The following NRG1 variants were observed in gnomAD, a reference collection of about 807,000 sequenced individuals.
NRG1 encodes pro-neuregulin-1, membrane-bound isoform.
Under a neutral mutation model 63.8 loss-of-function variants are expected in NRG1, and 18 were observed. The observed-to-expected ratio is 0.28, with a 90% CI of 0.19 to 0.42. The LOEUF (loss-of-function observed/expected upper bound fraction) is 0.42, where lower values mean the gene tolerates loss of function less well. NRG1 is among the 10% of genes least tolerant of loss of function. The pLI, the probability that NRG1 is intolerant of heterozygous loss-of-function variation, is 1.00. For synonymous variants in NRG1, 302 were observed against 301.3 expected, an observed-to-expected ratio of 1.00 and a Z score of -0.02; for missense variants, 762 against 814.7, an observed-to-expected ratio of 0.94 and a Z score of 0.79.
intron 1 of NRG1, among the ~76,000 whole-genome samples, chr8:32,403,299 C>CAAAAAAAAAAAAAAA (rs68127664): frequency 1.1e-5 from 1 of 89,804 alleles, no homozygotes; most frequent in Non-Finnish European, 2.2e-5. Flanking sequence ...CACTCTGTCT[C>CAAAAAAAAAAAAAAA]AAAAAAAAAA....
chr8:32,185,825 C>T (rs1447800626), intron 1 of NRG1, among the ~76,000 whole-genome samples: 2 of 152,152 alleles, frequency 1.3e-5, no homozygotes, highest in African/African-American at 4.8e-5. Flanking sequence ...GCTACAGTTT[C>T]TCCAGTGAAA....
At chr8:31,820,908 A>G (rs2129603517) in intron 1 of NRG1, among the ~76,000 whole-genome samples, 1 of 152,288 alleles carries the variant, frequency 6.6e-6, no homozygotes, top group Middle Eastern at 3.4e-3. Context: ...ATACGGAGGT[A>G]TAGCAAGTAG....
intron 1 of NRG1, among the ~76,000 whole-genome samples, chr8:31,990,471 T>C (rs966111214): frequency 1.3e-5 from 2 of 152,034 alleles, no homozygotes; most frequent in Non-Finnish European, 2.9e-5. Flanking sequence ...TAAACACAAA[T>C]AGGACTAATG....
chr8:31,821,994 TTGTC>T (rs1176324773), intron 1 of NRG1, among the ~76,000 whole-genome samples: 2 of 152,226 alleles, frequency 1.3e-5, no homozygotes, highest in Non-Finnish European at 1.5e-5. Flanking sequence ...CAATATATCT[TTGTC>T]TGTGATCAGA....
chr8:32,211,995 C>G (rs1165623894), intron 1 of NRG1, among the ~76,000 whole-genome samples: 1 of 151,950 alleles, frequency 6.6e-6, no homozygotes, highest in Non-Finnish European at 1.5e-5. Context: ...TTATTTTTTT[C>G]CCAAATAGAT....
At chr8:32,731,371 G>A (rs1027216872) in intron 6 of NRG1, among the ~76,000 whole-genome samples, 2 of 151,286 alleles carry the variant, frequency 1.3e-5, no homozygotes, top group Non-Finnish European at 2.9e-5. Flanking sequence ...ATTGTCTAGT[G>A]GATCATTCTT....
chr8:32,761,395 C>T (rs1203013266), intron 11 of NRG1, among the ~76,000 whole-genome samples: 1 of 151,926 alleles, frequency 6.6e-6, no homozygotes, highest in East Asian at 1.9e-4. Context: ...TAGAGTCTTT[C>T]CACTCTTGGA....
chr8:32,320,151 A>G (rs1801216060), intron 1 of NRG1, among the ~76,000 whole-genome samples: 1 of 152,130 alleles, frequency 6.6e-6, no homozygotes, highest in Admixed American at 6.6e-5. Context: ...CATACATCAT[A>G]CTATTGTTAT....
At chr8:32,631,444 C>T (rs1850291234) in intron 5 of NRG1, among the ~76,000 whole-genome samples, 1 of 152,180 alleles carries the variant, frequency 6.6e-6, no homozygotes, top group Admixed American at 6.5e-5. Flanking sequence ...TAGCTTAGAG[C>T]CTACTGCTGC....
chr8:32,647,931 A>G (rs1323370346), intron 5 of NRG1: 1 of 1,614,040 alleles, frequency 6.2e-7, no homozygotes, highest in African/African-American at 1.3e-5. Context: ...AGGTTGCCTC[A>G]ACTCAGAGAA....
intron 1 of NRG1, among the ~76,000 whole-genome samples, chr8:31,810,821 C>T (rs1051392616): frequency 2.0e-5 from 3 of 152,170 alleles, no homozygotes; most frequent in Non-Finnish European, 4.4e-5. Context: ...ACCAGCATAT[C>T]CTCTGAGGGT....
intron 1 of NRG1, among the ~76,000 whole-genome samples, chr8:31,733,846 G>C (rs1282589977): frequency 1.3e-5 from 2 of 152,242 alleles, no homozygotes; most frequent in South Asian, 2.1e-4. Context: ...TGAGAGGACA[G>C]CTCCTTTGAA....
At chr8:32,525,398 G>A (rs912063011) in intron 1 of NRG1, among the ~76,000 whole-genome samples, 4 of 150,492 alleles carry the variant, frequency 2.7e-5, no homozygotes, top group Non-Finnish European at 5.9e-5. Context: ...AGGGGTGTGT[G>A]TGTGTGTGTG....
chr8:32,657,295 C>T (rs1253871496), intron 5 of NRG1, among the ~76,000 whole-genome samples: 2 of 151,800 alleles, frequency 1.3e-5, no homozygotes, highest in Non-Finnish European at 2.9e-5. Flanking sequence ...CTTTTCCCTC[C>T]CTTTGTTTCT....
chr8:32,695,884 T>C (rs1813177898), intron 5 of NRG1, among the ~76,000 whole-genome samples: 1 of 152,224 alleles, frequency 6.6e-6, no homozygotes. Flanking sequence ...AAGCCAATTC[T>C]AAACAGTCCA....
At chr8:31,782,537 C>G (rs1161542823) in intron 1 of NRG1, among the ~76,000 whole-genome samples, 1 of 152,120 alleles carries the variant, frequency 6.6e-6, no homozygotes, top group African/African-American at 2.4e-5. Context: ...TGTAATGGAA[C>G]TCAATAAATA....
intron 1 of NRG1, among the ~76,000 whole-genome samples, chr8:32,446,248 G>A (rs950115212): frequency 9.2e-5 from 14 of 152,140 alleles, no homozygotes; most frequent in Admixed American, 9.2e-4. Flanking sequence ...CCTAACATGG[G>A]TATGATGCAT....
At chr8:32,626,903 C>A (rs1181207118) in intron 5 of NRG1, among the ~76,000 whole-genome samples, 1 of 151,904 alleles carries the variant, frequency 6.6e-6, no homozygotes, top group Non-Finnish European at 1.5e-5. Flanking sequence ...TGTCTGTAAT[C>A]CCAGCCACTT....
At chr8:31,713,480 C>T (rs1054192805) in intron 1 of NRG1, among the ~76,000 whole-genome samples, 5 of 152,020 alleles carry the variant, frequency 3.3e-5, no homozygotes, top group Admixed American at 2.0e-4. Context: ...GTTATTGTAA[C>T]TTCTTTTCCA....
Sources: gnomAD v4.1 joint callset for allele counts (sites outside exome capture counted in the v4.1 genomes callset) on GRCh38, gnomAD v4.1.1 for gene constraint, MANE v1.5 for transcripts, NCBI Gene and HGNC (gene_info 2026-07-23, HGNC 2026-07-21) for gene names.